SORBS2: variants seen among roughly 807,000 people sequenced by gnomAD.
SORBS2 encodes sorbin and SH3 domain containing 2.
SORBS2 carries 46 observed loss-of-function variants against 97.7 expected under a neutral mutation model. The ratio of observed to expected loss-of-function variants is 0.47; its 90% CI spans 0.37 to 0.60. SORBS2 has a LOEUF of 0.60. Ranked by LOEUF, SORBS2 falls within the 20% of genes least tolerant of loss-of-function variation. The pLI, the probability that SORBS2 is intolerant of heterozygous loss-of-function variation, is 0.00. For synonymous variants in SORBS2, 476 were observed against 473.4 expected (o/e 1.01, Z -0.07); for missense variants, 1,316 against 1,282.3 (o/e 1.03, Z -0.40).
chr4:185,942,119 C>A (rs28624504), intron 1 of SORBS2, among the ~76,000 whole-genome samples: 17,705 of 151,608 alleles, frequency 0.12, 1,260 homozygotes, highest in Middle Eastern at 0.23. Flanking sequence ...CCATTTAAAA[C>A]AAAAAACAAA....
chr4:185,678,765 A>G, intron 3 of SORBS2, 31 bp downstream of exon 6: 1 of 1,385,910 alleles, frequency 7.2e-7, no homozygotes, highest in Admixed American at 2.9e-5. Context: ...CACAAATAAT[A>G]TAATAATTAT....
intron 4 of SORBS2, among the ~76,000 whole-genome samples, chr4:185,666,677 A>T (rs894179621): frequency 1.3e-5 from 2 of 152,202 alleles, no homozygotes; most frequent in Non-Finnish European, 2.9e-5. Flanking sequence ...GATAATACTA[A>T]ACACAACTAA....
At chr4:185,899,881 T>G (rs1337377105) in intron 1 of SORBS2, among the ~76,000 whole-genome samples, 1 of 152,002 alleles carries the variant, frequency 6.6e-6, no homozygotes, top group Non-Finnish European at 1.5e-5. Context: ...GTTGGAAATA[T>G]GAAAATGAGT....
chr4:185,856,408 C>T, intron 1 of SORBS2, among the ~76,000 whole-genome samples: 1 of 152,158 alleles, frequency 6.6e-6, no homozygotes, highest in Non-Finnish European at 1.5e-5. Context: ...TACACCTCTG[C>T]CTGGCATGTA....
intron 4 of SORBS2, among the ~76,000 whole-genome samples, chr4:185,632,133 T>C (rs2096918488): frequency 6.6e-6 from 1 of 152,204 alleles, no homozygotes; most frequent in Non-Finnish European, 1.5e-5. Flanking sequence ...CACCAATTAA[T>C]CAATTAAAAC....
At chr4:185,647,412 CTTT>C (rs376002220) in intron 3 of SORBS2, among the ~76,000 whole-genome samples, 3 of 131,672 alleles carry the variant, frequency 2.3e-5, no homozygotes, top group African/African-American at 2.8e-5. Context: ...AAGAAGGCTT[CTTT>C]TTTTTTTTTT....
At chr4:185,658,592 C>A (rs548849179), upstream of SORBS2, among the ~76,000 whole-genome samples, 4 of 151,432 alleles carry the variant, frequency 2.6e-5, no homozygotes, top group Non-Finnish European at 5.9e-5. Flanking sequence ...GAAAAAAATT[C>A]TCATGTTTCA....
intron 1 of SORBS2, among the ~76,000 whole-genome samples, chr4:185,826,934 T>C (rs2099200195): frequency 6.6e-6 from 1 of 152,164 alleles, no homozygotes; most frequent in Non-Finnish European, 1.5e-5. Context: ...TTTTTACTTG[T>C]GAGATAAAGG....
intron 4 of SORBS2, chr4:185,666,117 G>A: frequency 7.8e-7 from 1 of 1,289,754 alleles, no homozygotes; most frequent in Non-Finnish European, 1.0e-6. Context: ...CGGAAGGAGG[G>A]CACGGAGGAG....
chr4:185,615,635 C>A (rs896540387), intron 9 of SORBS2, among the ~76,000 whole-genome samples: 1 of 151,976 alleles, frequency 6.6e-6, no homozygotes, highest in Non-Finnish European at 1.5e-5. Flanking sequence ...ATAGAAGTGC[C>A]AACACCAGAA....
intron 1 of SORBS2, among the ~76,000 whole-genome samples, chr4:185,887,315 C>T (rs766122105): frequency 3.3e-5 from 5 of 152,144 alleles, no homozygotes; most frequent in African/African-American, 7.2e-5. Flanking sequence ...TTTGAGCAAG[C>T]GAAATTACAG....
rs147806295 is a variant in SORBS2 at position 185,872,515 on chromosome 4, C to T, written c.-338+83681G>A. 1.6e-4 allele frequency among the ~76,000 whole-genome samples: 24 copies of T among 152,130 alleles called. No individual in the cohort carries two copies. In the East Asian group the frequency reaches 3.5e-3, roughly 22 times the overall value. On this transcript the variant is annotated intron_variant, in intron 1 of 20. Coordinates refer to the SORBS2 transcript ENST00000284776. ...AGTAAATGACCAGTGATGATGACAA[C>T]GAAGAATGATGATATTTATCAATAA... is the stretch of plus-strand genomic sequence containing the variant.
intron 12 of SORBS2, 122 bp from the exon 25 acceptor site, chr4:185,594,057 G>A: frequency 1.5e-6 from 1 of 670,070 alleles, no homozygotes; most frequent in East Asian, 2.8e-5. Context: ...AAACCAAGAG[G>A]AAGAAAAAAA....
chr4:185,796,120 G>T (rs1305541624), intron 1 of SORBS2, among the ~76,000 whole-genome samples: 2 of 152,092 alleles, frequency 1.3e-5, no homozygotes, highest in Non-Finnish European at 2.9e-5. Flanking sequence ...TGCCCAGGGT[G>T]GTCTCAAACT....
chr4:185,790,721 A>G (rs1028324135), intron 1 of SORBS2, among the ~76,000 whole-genome samples: 2 of 152,234 alleles, frequency 1.3e-5, no homozygotes, highest in Admixed American at 6.5e-5. Context: ...TGGTCTGATA[A>G]GAAAGCATCT....
chr4:185,651,143 C>T (rs1351771762), intron 2 of SORBS2, among the ~76,000 whole-genome samples: 6 of 152,134 alleles, frequency 3.9e-5, no homozygotes, highest in Non-Finnish European at 7.4e-5. Context: ...GGCAGAATCC[C>T]GAGGCAACAC....
At chr4:185,615,610 T>C (rs1047918273) in intron 9 of SORBS2, among the ~76,000 whole-genome samples, 20 of 152,006 alleles carry the variant, frequency 1.3e-4, no homozygotes, top group Non-Finnish European at 5.9e-5. Context: ...AAAACAAATA[T>C]CATGTAGCCT....
intron 1 of SORBS2, among the ~76,000 whole-genome samples, chr4:185,876,221 C>T (rs1168888532): frequency 1.3e-5 from 2 of 152,166 alleles, no homozygotes; most frequent in Admixed American, 6.5e-5. Context: ...GATTTTCCTG[C>T]CTCAGCCTCC....
At chr4:185,593,625 T>C (rs536850560) in intron 13 of SORBS2, 3 of 457,462 alleles carry the variant, frequency 6.6e-6, no homozygotes, top group Admixed American at 3.9e-5. Context: ...GAGTTATCCA[T>C]CTTAGGAATC....
Sources: allele counts gnomAD v4.1 joint callset (sites outside exome capture counted in the v4.1 genomes callset), GRCh38; gene constraint gnomAD v4.1.1; transcripts MANE v1.5; gene names NCBI Gene and HGNC (gene_info 2026-07-23, HGNC 2026-07-21).